The following USP3 variants were observed in gnomAD, a reference collection of about 807,000 sequenced individuals.
USP3 encodes ubiquitin carboxyl-terminal hydrolase 3.
USP3 carries 20 observed loss-of-function variants against 72.3 expected under a neutral mutation model. That is an observed-to-expected ratio of 0.28 (90% confidence interval 0.19 to 0.40). USP3 has a LOEUF of 0.40. Ranked by LOEUF, USP3 falls within the 10% of genes least tolerant of loss-of-function variation. USP3 has a pLI of 1.00. For missense variants in USP3, 479 were observed against 633.9 expected (o/e 0.76, Z 2.62); for synonymous variants, 222 against 225.3 (o/e 0.99, Z 0.13).
At chr15:63,560,041 TGTACTAA>T (rs2066579796) in intron 7 of USP3, 71 bp downstream of exon 7, 1 of 1,309,642 alleles carries the variant, frequency 7.6e-7, no homozygotes. Context: ...TGGTTTCCAT[TGTACTAA>T]GTGAGCTAAC....
chr15:63,518,783 T>G lies in USP3; in HGVS notation c.92-13864T>G, dbSNP rs770481924. Among the ~76,000 whole-genome samples, 7 of 152,104 alleles carry G rather than the reference T, an allele frequency of 4.6e-5. No individual in the cohort carries two copies. The East Asian group carries it at 9.6e-4, about 21-fold the overall frequency. ...CCCAAGAACAGGTCTCTTTTTTTTT[T>G]GGGACGGAGTCTTGCTCCGTTGCCC... On this transcript the variant is annotated intron_variant, in intron 1 of 14. Transcript: ENST00000380324.
intron 2 of USP3, among the ~76,000 whole-genome samples, chr15:63,532,939 C>T (rs998270178): frequency 2.0e-5 from 3 of 152,088 alleles, no homozygotes; most frequent in Non-Finnish European, 4.4e-5. Context: ...AGTTTGATGA[C>T]CAAGACAATC....
intron 11 of USP3, among the ~76,000 whole-genome samples, chr15:63,583,519 G>A (rs891620019): frequency 1.4e-4 from 22 of 152,146 alleles, no homozygotes; most frequent in African/African-American, 5.1e-4. Flanking sequence ...AACATTTTAA[G>A]TGTCTTAAGT....
rs561647793 is a variant in USP3, at chr15:63,592,583, C to A, written c.*1757C>A. The stretch of plus-strand genomic sequence containing the variant: ...CCCACTTCAGCCTCGAAGTAGCTGG[C>A]ACCACCACACCCAGCTAATTTTTAA... On this transcript the variant is annotated 3_prime_UTR_variant, in exon 15 of 15. Coordinates refer to ENST00000380324, the MANE Select transcript of USP3 (RefSeq NM_006537.4). 1 of 151,604 alleles carries A rather than the reference C, an allele frequency of 6.6e-6. No individual in the cohort carries two copies. Among genetic ancestry groups the A allele is most frequent in the East Asian group, 1.9e-4 (1 of 5,134 alleles). The allele number at this position is 151,604 out of a possible 1,614,324, so 9.4% of individuals were successfully genotyped here. A position where few individuals can be genotyped will look rare whatever the true frequency, so the allele number is the denominator to read the frequency against.
chr15:63,507,656 A>G (rs560436478), intron 1 of USP3, among the ~76,000 whole-genome samples: 2 of 152,304 alleles, frequency 1.3e-5, no homozygotes, highest in African/African-American at 4.8e-5. Flanking sequence ...AGTAAGAAGT[A>G]ATTATACTTC....
Position 63,590,702 on chromosome 15 carries a change from G to A in USP3, c.1439G>A (p.Gly480Asp). 1.2e-6 allele frequency: 2 copies of A among 1,613,550 alleles called. No homozygotes were observed. Among genetic ancestry groups the A allele is most frequent in the Non-Finnish European group, 8.5e-7 (1 of 1,179,720 alleles). Residue 480 changes from glycine to aspartate, a missense_variant, in exon 15 of 15, where the codon GGC becomes GAC. By Grantham distance (94) the Gly-to-Asp change is moderately conservative (BLOSUM62 -1). Coordinates refer to ENST00000380324, the MANE Select transcript of USP3 (RefSeq NM_006537.4). ...GHYTAYATHE[G>D]RWFHFNDSTV... Reference sequence around the variant, plus strand: ...TACACAGCATACGCAACTCACGAAGGCCGCTGGTTCCACTTCAATGACAGT... The same window carrying A: ...TACACAGCATACGCAACTCACGAAGACCGCTGGTTCCACTTCAATGACAGT...
intron 1 of USP3, among the ~76,000 whole-genome samples, chr15:63,531,055 G>A (rs2066067245): frequency 6.6e-6 from 1 of 152,166 alleles, no homozygotes; most frequent in Non-Finnish European, 1.5e-5. Context: ...CTAAGAAAAG[G>A]GAAGGCCTTT....
In USP3 at chr15:63,532,410, GCTATTTGGGTT is replaced by G. The variant is rs2066090113; in HGVS notation, c.92-236_92-226del. ...GTGTATATGTGTTTAACGTGGTTAA[GCTATTTGGGTT>G]GAGTCAGCAATTAAAATGAGCCGCT... On this transcript the variant is annotated intron_variant, in intron 1 of 14. Coordinates refer to ENST00000380324, the MANE Select transcript of USP3 (RefSeq NM_006537.4). 3.3e-5 allele frequency: 19 copies of G among 582,298 alleles called. No individual in the cohort carries two copies. In the South Asian group the frequency reaches 3.6e-4, roughly 11 times the overall value. 36.1% of individuals were successfully genotyped at this position (582,298 alleles called of 1,614,324 possible).
intron 4 of USP3, among the ~76,000 whole-genome samples, chr15:63,555,827 G>A (rs1282576000): frequency 6.6e-6 from 1 of 152,086 alleles, no homozygotes; most frequent in Non-Finnish European, 1.5e-5. Flanking sequence ...CACTAGTTCT[G>A]ATGTTTCAAA....
At chr15:63,589,073 A>ACTCTTTT (rs2067133308) in intron 14 of USP3, 62 bp downstream of exon 14, 1 of 1,561,214 alleles carries the variant, frequency 6.4e-7, no homozygotes, top group Non-Finnish European at 8.8e-7. Context: ...AATGACCTGC[A>ACTCTTTT]GTTTTGTACC....
intron 3 of USP3, among the ~76,000 whole-genome samples, chr15:63,545,035 G>A (rs138806943): frequency 2.5e-4 from 38 of 151,274 alleles, no homozygotes; most frequent in African/African-American, 7.8e-4. Context: ...AAGTAGCAAG[G>A]TTTTAGGCAA....
chr15:63,574,642 G>A lies in USP3; in HGVS notation c.1096+239G>A, dbSNP rs1052607598. Among the ~76,000 whole-genome samples, 5 of 152,122 alleles carry A rather than the reference G, an allele frequency of 3.3e-5. No individual in the cohort carries two copies. Among genetic ancestry groups the A allele is most frequent in the Middle Eastern group, 3.2e-3 (1 of 316 alleles). On this transcript the variant is annotated intron_variant, in intron 11 of 14. Coordinates refer to ENST00000380324, the MANE Select transcript of USP3 (RefSeq NM_006537.4). The surrounding 1 kb of genome is among the most constrained non-coding windows in gnomAD (Gnocchi z 4.6). ...TCACCTTTTTCTTCTTTGAAATACTGACTTTAAAATAGAAGGTCTGTAGCA... is the reference window on the plus strand; with the variant it reads ...TCACCTTTTTCTTCTTTGAAATACTAACTTTAAAATAGAAGGTCTGTAGCA...
intron 11 of USP3, chr15:63,587,763 G>A (rs2067103578): frequency 6.6e-6 from 1 of 152,170 alleles, no homozygotes; most frequent in African/African-American, 2.4e-5. Flanking sequence ...GGATGTTTTA[G>A]GACTGTAGTT....
chr15:63,516,764 A>C (rs985958569), intron 1 of USP3, among the ~76,000 whole-genome samples: 1 of 151,784 alleles, frequency 6.6e-6, no homozygotes, highest in Non-Finnish European at 1.5e-5. Context: ...GAAATTTCAA[A>C]ATATGGCTGG....
At chr15:63,526,071 T>C (rs2065977460) in intron 1 of USP3, among the ~76,000 whole-genome samples, 1 of 152,210 alleles carries the variant, frequency 6.6e-6, no homozygotes, top group South Asian at 2.1e-4. Context: ...CACTTTAAAT[T>C]TAATTTTTAT....
chr15:63,556,438 T>C, intron 4 of USP3: 1 of 375,042 alleles, frequency 2.7e-6, no homozygotes. Context: ...CGGCCAGCTT[T>C]GCCAGGAGCA....
chr15:63,525,526 G>A (rs2065970399), intron 1 of USP3, among the ~76,000 whole-genome samples: 1 of 152,162 alleles, frequency 6.6e-6, no homozygotes, highest in Non-Finnish European at 1.5e-5. Flanking sequence ...GCTTCATGTA[G>A]CTTGATTCCT....
At chr15:63,527,372 G>GA (rs1419267461) in intron 1 of USP3, among the ~76,000 whole-genome samples, 1 of 152,192 alleles carries the variant, frequency 6.6e-6, no homozygotes, top group Non-Finnish European at 1.5e-5. Context: ...TTCTTGAGAA[G>GA]AAAAAGAGCC....
intron 11 of USP3, among the ~76,000 whole-genome samples, chr15:63,577,019 T>G (rs888049079): frequency 6.6e-6 from 1 of 152,204 alleles, no homozygotes; most frequent in African/African-American, 2.4e-5. Context: ...TTTGTAATTG[T>G]TAAGCTTAGT....
Sources: allele counts gnomAD v4.1 joint callset (sites outside exome capture counted in the v4.1 genomes callset), GRCh38; gene constraint gnomAD v4.1.1; non-coding constraint Gnocchi (gnomAD v3.1); transcripts MANE v1.5; gene names NCBI Gene and HGNC (gene_info 2026-07-23, HGNC 2026-07-21).